The following ARHGAP28 variants were observed in gnomAD, a reference collection of about 807,000 sequenced individuals.
ARHGAP28 encodes the protein Rho GTPase activating protein 28.
A neutral mutation model predicts 90.7 loss-of-function variants in ARHGAP28; 56 were observed. The observed-to-expected ratio is 0.62, with a 90% CI of 0.50 to 0.77. The LOEUF is 0.77. Ranked by LOEUF, ARHGAP28 falls within the 30% of genes least tolerant of loss-of-function variation. ARHGAP28 has a pLI of 0.00. For synonymous variants in ARHGAP28, 308 were observed against 323.3 expected (o/e 0.95, Z 0.51); for missense variants, 869 against 900.9 (o/e 0.96, Z 0.45).
rs1458253027 is a variant in ARHGAP28, at chr18:6,914,273, C to A, written c.*2119C>A. On this transcript the variant is annotated 3_prime_UTR_variant, in exon 18 of 18. Coordinates refer to ENST00000383472, the MANE Select transcript of ARHGAP28 (RefSeq NM_001366230.1). The stretch of plus-strand genomic sequence containing the variant: ...TAAAATACAAATTCTTGTCTACTTT[C>A]ATGTGGTTTTAAATGGCAGGGACTT... 6.6e-6 allele frequency: 1 copy of A among 152,118 alleles called. No homozygotes were observed. Among genetic ancestry groups the A allele is most frequent in the Admixed American group, 6.5e-5 (1 of 15,270 alleles). The allele number at this position is 152,118 out of a possible 1,614,324, so 9.4% of individuals were successfully genotyped here.
intron 1 of ARHGAP28, among the ~76,000 whole-genome samples, chr18:6,744,551 C>T (rs1292338859): frequency 6.6e-6 from 1 of 152,090 alleles, no homozygotes; most frequent in Admixed American, 6.5e-5. Context: ...CACCTTTCTC[C>T]CCTCTCATTG....
At chr18:6,864,894 A>T (rs1454911213) in intron 5 of ARHGAP28, among the ~76,000 whole-genome samples, 2 of 152,096 alleles carry the variant, frequency 1.3e-5, no homozygotes, top group Non-Finnish European at 2.9e-5. Context: ...TATATTGCCC[A>T]GGCAGAACTT....
intron 1 of ARHGAP28, among the ~76,000 whole-genome samples, chr18:6,761,987 G>A (rs570495192): frequency 6.6e-6 from 1 of 152,168 alleles, no homozygotes; most frequent in South Asian, 2.1e-4. Flanking sequence ...AGTTCCACAG[G>A]TTTCTCAAGT....
chr18:6,820,716 A>G (rs2056621297), intron 1 of ARHGAP28, among the ~76,000 whole-genome samples: 2 of 152,240 alleles, frequency 1.3e-5, no homozygotes, highest in South Asian at 4.1e-4. Flanking sequence ...AGACTCAACA[A>G]GACAATGGAA....
chr18:6,900,774 T>C (rs571356238), intron 16 of ARHGAP28, among the ~76,000 whole-genome samples: 1 of 152,106 alleles, frequency 6.6e-6, no homozygotes, highest in South Asian at 2.1e-4. Flanking sequence ...AATAATGAAA[T>C]ACACCCCCAA....
At chr18:6,745,732 G>T (rs2056017803) in intron 1 of ARHGAP28, among the ~76,000 whole-genome samples, 1 of 152,132 alleles carries the variant, frequency 6.6e-6, no homozygotes, top group Non-Finnish European at 1.5e-5. Flanking sequence ...TTTGTGTCTG[G>T]CTCCTTCGCT....
intron 1 of ARHGAP28, chr18:6,789,754 A>G (rs1448010137): frequency 6.6e-6 from 1 of 152,198 alleles, no homozygotes; most frequent in African/African-American, 2.4e-5. Context: ...CTATTAGTAT[A>G]CTTTTGATGG....
At chr18:6,872,557 ATCTATGGGGT>A (rs1357802387) in intron 7 of ARHGAP28, among the ~76,000 whole-genome samples, 1 of 152,174 alleles carries the variant, frequency 6.6e-6, no homozygotes, top group Admixed American at 6.5e-5. Flanking sequence ...TTATAATTTA[ATCTATGGGGT>A]TTTTTTTGTT....
intron 3 of ARHGAP28, 188 bp from the exon 4 acceptor site, chr18:6,850,846 T>C (rs1381331329): frequency 5.9e-6 from 9 of 1,523,010 alleles, no homozygotes; most frequent in Non-Finnish European, 7.9e-6. Flanking sequence ...ACATGGCATT[T>C]ATGAGGATCA....
chr18:6,909,540 G>A lies in ARHGAP28; in HGVS notation c.2095+516G>A, dbSNP rs557886416. ...ACTCCTGACCTCAAGTGATCCACCC[G>A]CCTCGGCCTCCCAAGGTGCTGGGAT... On this transcript the variant is annotated intron_variant, in intron 17 of 17. Coordinates refer to ENST00000383472, the MANE Select transcript of ARHGAP28 (RefSeq NM_001366230.1). 7.9e-5 allele frequency among the ~76,000 whole-genome samples: 12 copies of A among 151,770 alleles called. No individual in the cohort carries two copies. The East Asian group carries it at 1.2e-3, about 15-fold the overall frequency.
chr18:6,883,275 G>A (rs1030921946), intron 11 of ARHGAP28, among the ~76,000 whole-genome samples: 62 of 148,820 alleles, frequency 4.2e-4, no homozygotes, highest in Admixed American at 2.9e-3. Context: ...GTGTCGCACT[G>A]TTGCCCAGGC....
rs1567966928 is a variant in ARHGAP28, at chr18:6,841,212, T to TCTCTCTCTCTCTC, written c.543+3809_543+3810insTCCTCTCTCTCTC. Among the ~76,000 whole-genome samples, 5 of 104,706 alleles carry TCTCTCTCTCTCTC rather than the reference T, an allele frequency of 4.8e-5. 1 individual carries two copies. Among genetic ancestry groups the TCTCTCTCTCTCTC allele is most frequent in the East Asian group, 5.8e-4 (2 of 3,466 alleles). 68.7% of individuals were successfully genotyped at this position (104,706 alleles called of 152,430 possible). The stretch of plus-strand genomic sequence containing the variant: ...CTCTCTCTCTCTCTCTCCTCTCCTC[T>TCTCTCTCTCTCTC]CTCTCTCTCTCCCCCCAACCCGCCC... On this transcript the variant is annotated intron_variant, in intron 3 of 17. Coordinates refer to ENST00000383472, the MANE Select transcript of ARHGAP28 (RefSeq NM_001366230.1).
intron 1 of ARHGAP28, 127 bp downstream of exon 1, chr18:6,730,070 T>C (rs2055863526): frequency 3.1e-6 from 3 of 967,648 alleles, no homozygotes; most frequent in South Asian, 3.1e-5. Flanking sequence ...TTTGGTGGAC[T>C]AGATGAGTGA....
intron 1 of ARHGAP28, among the ~76,000 whole-genome samples, chr18:6,802,637 A>C (rs1567952564): frequency 6.6e-6 from 1 of 152,040 alleles, no homozygotes; most frequent in East Asian, 1.9e-4. Context: ...TTTAGCCACC[A>C]TGCCCAGCCT....
intron 3 of ARHGAP28, among the ~76,000 whole-genome samples, chr18:6,844,439 T>C (rs2056850714): frequency 6.6e-6 from 1 of 152,202 alleles, no homozygotes; most frequent in Admixed American, 6.5e-5. Flanking sequence ...TCTATTAATG[T>C]GCCTGGCATT....
At chr18:6,816,931 CAAAA>C (rs978936822) in intron 1 of ARHGAP28, among the ~76,000 whole-genome samples, 9 of 149,702 alleles carry the variant, frequency 6.0e-5, no homozygotes. Flanking sequence ...GTACTAAAAA[CAAAA>C]AAAAATTAGC....
chr18:6,735,555 GTT>G (rs35656127), intron 1 of ARHGAP28, among the ~76,000 whole-genome samples: 8,700 of 135,722 alleles, frequency 0.064, 687 homozygotes, highest in African/African-American at 0.2. Flanking sequence ...AGGTTATGCT[GTT>G]TTTTTTTTTT....
intron 2 of ARHGAP28, among the ~76,000 whole-genome samples, chr18:6,829,572 G>A (rs951194322): frequency 9.9e-5 from 15 of 152,076 alleles, no homozygotes; most frequent in African/African-American, 1.2e-4. Context: ...TTTGACAAAC[G>A]CATGCACTCT....
intron 14 of ARHGAP28, among the ~76,000 whole-genome samples, 172 bp downstream of exon 14, chr18:6,890,715 C>T (rs574869544): frequency 6.6e-6 from 1 of 152,268 alleles, no homozygotes; most frequent in South Asian, 2.1e-4. Flanking sequence ...GTACCGTGGC[C>T]TTTGCATCTT....
Sources: allele counts gnomAD v4.1 joint callset (sites outside exome capture counted in the v4.1 genomes callset), GRCh38; gene constraint gnomAD v4.1.1; transcripts MANE v1.5; gene names NCBI Gene and HGNC (gene_info 2026-07-23, HGNC 2026-07-21).